Variants in MMP26 observed in about 807,000 individuals in gnomAD.
MMP26 encodes matrix metallopeptidase 26.
In MMP26, 33 loss-of-function variants were observed where a neutral mutation model predicts 31.0. The ratio of observed to expected loss-of-function variants is 1.06; its 90% CI spans 0.81 to 1.42. MMP26 has a LOEUF of 1.42. MMP26 is among the 40% of genes most tolerant of loss of function. The pLI is 0.00. For synonymous variants in MMP26, 122 were observed against 114.9 expected, an observed-to-expected ratio of 1.06 and a Z score of -0.40; for missense variants, 347 against 316.1, an observed-to-expected ratio of 1.10 and a Z score of -0.74.
chr11:4,860,701 A>C (rs780631121), intron 2 of MMP26: 55 of 321,086 alleles, frequency 1.7e-4, no homozygotes, highest in Non-Finnish European at 2.4e-4. Flanking sequence ...TAAAGTTAAA[A>C]AACATTTAGA....
intron 2 of MMP26, among the ~76,000 whole-genome samples, chr11:4,815,163 G>A (rs1180729390): frequency 6.6e-6 from 1 of 152,192 alleles, no homozygotes; most frequent in Non-Finnish European, 1.5e-5. Context: ...GGGTAGAGAA[G>A]TAGTCACTTA....
chr11:4,715,862 A>G (rs1228589679), intron 1 of MMP26, among the ~76,000 whole-genome samples: 1 of 152,156 alleles, frequency 6.6e-6, no homozygotes, highest in Non-Finnish European at 1.5e-5. Flanking sequence ...ATTACGTTAC[A>G]TTATATGGCA....
At chr11:4,876,495 G>A (rs1404012062) in intron 2 of MMP26, 2 of 152,094 alleles carry the variant, frequency 1.3e-5, no homozygotes, top group African/African-American at 4.8e-5. Flanking sequence ...ACTGATTCCA[G>A]TTGAAGTCAG....
At chr11:4,776,618 C>T (rs1254287045) in intron 2 of MMP26, among the ~76,000 whole-genome samples, 1 of 152,058 alleles carries the variant, frequency 6.6e-6, no homozygotes, top group Non-Finnish European at 1.5e-5. Flanking sequence ...AGGGAGGGGC[C>T]TGGTGGGAGG....
intron 2 of MMP26, among the ~76,000 whole-genome samples, chr11:4,803,038 T>C (rs1849204777): frequency 6.6e-6 from 1 of 152,224 alleles, no homozygotes; most frequent in Admixed American, 6.5e-5. Context: ...ATATATGTAC[T>C]TTTAAATTAT....
At chr11:4,756,947 C>T (rs1848511969) in intron 1 of MMP26, 1 of 152,020 alleles carries the variant, frequency 6.6e-6, no homozygotes, top group East Asian at 1.9e-4. Context: ...GGCTGTTTTC[C>T]CTTAATGGAG....
At chr11:4,767,445 G>T (rs538847611) in intron 2 of MMP26, 104 bp downstream of exon 2, 3 of 151,956 alleles carry the variant, frequency 2.0e-5, no homozygotes, top group Non-Finnish European at 4.4e-5. Context: ...TTTAACCTTC[G>T]TGAGTGCACA....
intron 1 of MMP26, among the ~76,000 whole-genome samples, chr11:4,744,884 A>G (rs1390468521): frequency 6.6e-6 from 1 of 152,170 alleles, no homozygotes; most frequent in Non-Finnish European, 1.5e-5. Context: ...ATGACCTTCC[A>G]TAATCACCTC....
intron 2 of MMP26, among the ~76,000 whole-genome samples, chr11:4,885,264 GA>G (rs767337699): frequency 3.3e-5 from 5 of 151,850 alleles, no homozygotes; most frequent in African/African-American, 1.2e-4. Flanking sequence ...TTGAGAAATA[GA>G]AAAAAAATTT....
At chr11:4,962,289 C>A (rs953132866) in intron 2 of MMP26, among the ~76,000 whole-genome samples, 1 of 152,066 alleles carries the variant, frequency 6.6e-6, no homozygotes, top group Admixed American at 6.6e-5. Flanking sequence ...AATTTGGAGA[C>A]CTCTGTATTT....
intron 2 of MMP26, among the ~76,000 whole-genome samples, chr11:4,792,617 A>T (rs1044430077): frequency 6.6e-6 from 1 of 152,220 alleles, no homozygotes; most frequent in African/African-American, 2.4e-5. Context: ...TGCACTACTT[A>T]TCAATAGTAC....
intron 1 of MMP26, among the ~76,000 whole-genome samples, chr11:4,758,136 T>A (rs982467623): frequency 6.6e-6 from 1 of 152,042 alleles, no homozygotes; most frequent in Non-Finnish European, 1.5e-5. Flanking sequence ...GTGAACAAAT[T>A]GTGAAATATC....
intron 2 of MMP26, among the ~76,000 whole-genome samples, chr11:4,925,154 C>G (rs1851252112): frequency 6.6e-6 from 1 of 152,132 alleles, no homozygotes. Flanking sequence ...GAGCATAGTA[C>G]AGGTGAGAAA....
chr11:4,990,921 G>A (rs766813525), intron 5 of MMP26, among the ~76,000 whole-genome samples, 175 bp downstream of exon 5: 6 of 152,150 alleles, frequency 3.9e-5, no homozygotes, highest in Non-Finnish European at 8.8e-5. Flanking sequence ...GTAAAATGAA[G>A]CAATAAATAA....
At chr11:4,898,267 C>T (rs1850743143) in intron 2 of MMP26, among the ~76,000 whole-genome samples, 1 of 152,054 alleles carries the variant, frequency 6.6e-6, no homozygotes, top group Non-Finnish European at 1.5e-5. Context: ...CATTGTTTTT[C>T]ATGAGACATT....
At chr11:4,821,669 C>T in intron 2 of MMP26, 1 of 1,614,038 alleles carries the variant, frequency 6.2e-7, no homozygotes, top group African/African-American at 1.3e-5. Context: ...CTTTCTACTA[C>T]CCTTGGTGTC....
At chr11:4,781,421 C>A (rs1848859436) in intron 2 of MMP26, among the ~76,000 whole-genome samples, 1 of 118,678 alleles carries the variant, frequency 8.4e-6, no homozygotes, top group Non-Finnish European at 1.7e-5. Flanking sequence ...GTGGCGGGCG[C>A]CTGTAGTCCC....
intron 2 of MMP26, among the ~76,000 whole-genome samples, chr11:4,862,095 A>G (rs1167552169): frequency 2.0e-5 from 3 of 151,940 alleles, no homozygotes; most frequent in Admixed American, 2.0e-4. Context: ...GTTTTTCTTC[A>G]CCCCTAGTGA....
At chr11:4,785,856 T>C (rs1400734888) in intron 2 of MMP26, among the ~76,000 whole-genome samples, 1 of 152,170 alleles carries the variant, frequency 6.6e-6, no homozygotes, top group Non-Finnish European at 1.5e-5. Context: ...TATCCTCTAC[T>C]GTCTAATAGA....
Sources: gnomAD v4.1 joint callset for allele counts (sites outside exome capture counted in the v4.1 genomes callset) on GRCh38, gnomAD v4.1.1 for gene constraint, MANE v1.5 for transcripts, NCBI Gene and HGNC (gene_info 2026-07-23, HGNC 2026-07-21) for gene names.